FANCD2: variants seen among roughly 807,000 people sequenced by gnomAD.
The protein encoded by FANCD2 is Fanconi anemia group D2 protein.
FANCD2 carries 131 observed loss-of-function variants against 192.3 expected under a neutral mutation model. The observed-to-expected ratio is 0.68, with a 90% CI of 0.59 to 0.79. The LOEUF is 0.79. Ranked by LOEUF, FANCD2 falls within the 30% of genes least tolerant of loss-of-function variation. FANCD2 has a pLI of 0.00. For missense variants in FANCD2, 1,508 were observed against 1,701.6 expected (o/e 0.89, Z 2.00); for synonymous variants, 524 against 612.5 (o/e 0.86, Z 2.13).
intron 12 of FANCD2, 49 bp downstream of exon 12, chr3:10,043,199 C>T: frequency 7.3e-7 from 1 of 1,368,834 alleles, no homozygotes; most frequent in Non-Finnish European, 1.0e-6. Context: ...TGACATCCCA[C>T]TGTCAGAGTT....
chr3:10,059,358 C>T (rs2087498367), intron 18 of FANCD2, among the ~76,000 whole-genome samples: 1 of 152,070 alleles, frequency 6.6e-6, no homozygotes, highest in Non-Finnish European at 1.5e-5. Context: ...TATTCTAGTT[C>T]ATTATTTTGG....
intron 5 of FANCD2, 50 bp downstream of exon 5, chr3:10,034,848 A>C (rs1559370674): frequency 7.6e-7 from 1 of 1,322,706 alleles, no homozygotes; most frequent in South Asian, 1.3e-5. Flanking sequence ...TGTTTTGCCA[A>C]CTTCATGGGG....
chr3:10,072,056 A>G (rs1424365422), intron 26 of FANCD2, among the ~76,000 whole-genome samples: 1 of 152,074 alleles, frequency 6.6e-6, no homozygotes, highest in Non-Finnish European at 1.5e-5. Context: ...CAGAGAGCCC[A>G]GCCAAGATCT....
chr3:10,089,040 T>A (rs1362388723), intron 36 of FANCD2, 90 bp downstream of exon 36: 7 of 1,457,946 alleles, frequency 4.8e-6, no homozygotes, highest in Non-Finnish European at 5.7e-6. Flanking sequence ...CCCAGCACTT[T>A]GGGAGGCTGA....
In FANCD2 at chr3:10,092,431, A is replaced by AT. The variant is rs35070534; in HGVS notation, c.3849+190dup. Among the ~76,000 whole-genome samples, 25,984 of 144,836 alleles carry AT rather than the reference A, an allele frequency of 0.18. 3,145 individuals carry two copies. The highest frequency in any genetic ancestry group is 0.35 in the African/African-American group (13,741 of 39,810). Reference sequence around the variant, plus strand: ...TGGATAACCCCTTTTCTCACTAGGCATTTTTTTTTTTGTCTTTTCCTTCCT... The same window carrying AT: ...TGGATAACCCCTTTTCTCACTAGGCATTTTTTTTTTTTGTCTTTTCCTTCCT... On this transcript the variant is annotated intron_variant, in intron 38 of 43. Transcript: ENST00000675286.
chr3:10,069,431 T>C (rs888022590), intron 26 of FANCD2, among the ~76,000 whole-genome samples: 1 of 151,090 alleles, frequency 6.6e-6, no homozygotes, highest in Non-Finnish European at 1.5e-5. Context: ...AAAACTGCCA[T>C]GTGATGTCAT....
intron 9 of FANCD2, chr3:10,040,336 C>A (rs2086835525): frequency 2.7e-6 from 1 of 370,754 alleles, no homozygotes; most frequent in Admixed American, 3.5e-5. Flanking sequence ...GTGCCTGGCC[C>A]CATGTACTTT....
At chr3:10,073,390 G>T (rs764953775) in intron 28 of FANCD2, 28 bp downstream of exon 28, 8 of 1,448,774 alleles carry the variant, frequency 5.5e-6, no homozygotes, top group Non-Finnish European at 7.8e-6. Context: ...ATCCGTGAAG[G>T]TTTGTGACAT....
chr3:10,071,598 C>T (rs1233536803), intron 26 of FANCD2, among the ~76,000 whole-genome samples: 1 of 152,098 alleles, frequency 6.6e-6, no homozygotes, highest in Non-Finnish European at 1.5e-5. Flanking sequence ...AACATATTTT[C>T]ACATATTTGT....
chr3:10,091,985 T>C (rs1324327674), intron 37 of FANCD2, among the ~76,000 whole-genome samples, 196 bp from the exon 38 acceptor site: 1 of 152,224 alleles, frequency 6.6e-6, no homozygotes, highest in East Asian at 1.9e-4. Flanking sequence ...AGTCTGTCCC[T>C]ATGAGGTGTT....
intron 25 of FANCD2, among the ~76,000 whole-genome samples, chr3:10,066,372 A>G (rs2087719133): frequency 2.0e-5 from 3 of 152,088 alleles, no homozygotes; most frequent in Admixed American, 6.6e-5. Flanking sequence ...TTATATCTCT[A>G]CCTCACTGTC....
chr3:10,055,355 A>G (rs751065357), intron 18 of FANCD2, among the ~76,000 whole-genome samples: 11 of 152,082 alleles, frequency 7.2e-5, no homozygotes, highest in East Asian at 1.9e-4. Flanking sequence ...AATAATCACT[A>G]ATCACATTCT....
chr3:10,043,810 C>T lies in FANCD2; in HGVS notation c.1099-19C>T, dbSNP rs1388885667. 6.2e-7 allele frequency: 1 copy of T among 1,612,596 alleles called. No homozygotes were observed. The highest frequency in any genetic ancestry group is 8.5e-7 in the Non-Finnish European group (1 of 1,178,894). ...CTGATGTGTCATAATATTTTTGTGA[C>T]TCTCTCCTGTTTTTTCAGGCAATTG... On this transcript the variant is annotated intron_variant, in intron 13 of 43. Coordinates refer to ENST00000675286, the MANE Select transcript of FANCD2 (RefSeq NM_001018115.3).
chr3:10,034,407 G>T (rs2086679157), intron 3 of FANCD2, 62 bp from the exon 4 acceptor site: 2 of 1,173,134 alleles, frequency 1.7e-6, no homozygotes, highest in Non-Finnish European at 2.6e-6. Flanking sequence ...AGAAACTTGG[G>T]TTTTTAGAGA....
At position 10,078,149 on chromosome 3, in the gene FANCD2, G is replaced by A. The variant is rs1469009914; in HGVS notation, c.2928G>A (p.Leu976=). ...TGCTGGAAGATCTCTCCCAGAAGCT[G>A]GAGAGTATGCTGACACCTCCTATTG... ...LFLLEDLSQK[L]ESMLTPPIAR... Residue 976 remains leucine, a synonymous_variant, in exon 30 of 44, where the codon CTG becomes CTA. Coordinates refer to ENST00000675286, the MANE Select transcript of FANCD2 (RefSeq NM_001018115.3). The A allele has an allele frequency of 6.2e-7, 1 of 1,613,804 alleles. No homozygotes were observed. Among genetic ancestry groups the A allele is most frequent in the Non-Finnish European group, 8.5e-7 (1 of 1,179,878 alleles).
At chr3:10,079,327 C>T (rs1240256642) in intron 30 of FANCD2, among the ~76,000 whole-genome samples, 5 of 151,800 alleles carry the variant, frequency 3.3e-5, no homozygotes, top group South Asian at 4.2e-4. Context: ...TTTTTTGAGA[C>T]GGAGTCTCGC....
chr3:10,071,082 C>T (rs1314136138), intron 26 of FANCD2, among the ~76,000 whole-genome samples: 10 of 146,774 alleles, frequency 6.8e-5, no homozygotes, highest in Admixed American at 6.8e-4. Flanking sequence ...GTCCTATGAC[C>T]CTGCCAAATC....
At chr3:10,069,607 G>GT (rs1693056537) in intron 26 of FANCD2, among the ~76,000 whole-genome samples, 1 of 151,678 alleles carries the variant, frequency 6.6e-6, no homozygotes, top group East Asian at 1.9e-4. Flanking sequence ...GATTGCAGGC[G>GT]CGCGCCGCCA....
chr3:10,078,544 C>T (rs749826479), intron 30 of FANCD2, among the ~76,000 whole-genome samples: 4 of 151,764 alleles, frequency 2.6e-5, no homozygotes, highest in Non-Finnish European at 5.9e-5. Flanking sequence ...TTTGTAGAGA[C>T]GGGGTTTCAC....
Sources: gnomAD v4.1 joint callset for allele counts (sites outside exome capture counted in the v4.1 genomes callset) on GRCh38, gnomAD v4.1.1 for gene constraint, MANE v1.5 for transcripts, NCBI Gene and HGNC (gene_info 2026-07-23, HGNC 2026-07-21) for gene names.